The following CCDC73 variants were observed in gnomAD, a reference collection of about 807,000 sequenced individuals.
CCDC73 encodes coiled-coil domain containing 73.
A neutral mutation model predicts 116.5 loss-of-function variants in CCDC73; 95 were observed. The observed-to-expected ratio is 0.82, with a 90% CI of 0.69 to 0.97. The LOEUF is 0.97. Among genes scored for constraint, CCDC73 ranks in the 50% least tolerant of loss-of-function variants. The pLI is 0.00. For synonymous variants in CCDC73, 398 were observed against 401.3 expected, an observed-to-expected ratio of 0.99 and a Z score of 0.10; for missense variants, 1,066 against 1,206.8, an observed-to-expected ratio of 0.88 and a Z score of 1.73.
rs1565094445 is a variant in CCDC73, at chr11:32,755,939, CTCCATATA to C, written c.135+4162_135+4169del. Among the ~76,000 whole-genome samples the C allele has an allele frequency of 3.1e-4, 4 of 13,080 alleles. 1 individual carries two copies. Among genetic ancestry groups the C allele is most frequent in the African/African-American group, 1.3e-3 (4 of 3,050 alleles). 8.6% of individuals were successfully genotyped at this position (13,080 alleles called of 152,430 possible). The stretch of plus-strand genomic sequence containing the variant: ...TCCATATATATATCTATATATATAT[CTCCATATA>C]TATATCTATATATATATCTCCATAT... On this transcript the variant is annotated intron_variant, in intron 2 of 17. Coordinates refer to ENST00000335185, the MANE Select transcript of CCDC73 (RefSeq NM_001008391.4).
At chr11:32,607,986 A>C (rs188125918) in intron 17 of CCDC73, among the ~76,000 whole-genome samples, 1 of 151,054 alleles carries the variant, frequency 6.6e-6, no homozygotes, top group East Asian at 1.9e-4. Context: ...TATCACAAGA[A>C]TATTTCACTA....
intron 17 of CCDC73, among the ~76,000 whole-genome samples, chr11:32,607,910 CAA>C (rs1855376683): frequency 6.6e-6 from 1 of 152,158 alleles, no homozygotes; most frequent in Admixed American, 6.5e-5. Context: ...ATGGTGGCAG[CAA>C]AAGAGAGCTT....
chr11:32,608,211 A>G (rs113954676), intron 17 of CCDC73, among the ~76,000 whole-genome samples: 1,541 of 152,218 alleles, frequency 0.01, 5 homozygotes, highest in Non-Finnish European at 0.015. Flanking sequence ...ACACTCCCCC[A>G]AAGTCTTACT....
chr11:32,630,319 G>T (rs1463338901), intron 14 of CCDC73, among the ~76,000 whole-genome samples: 1 of 152,202 alleles, frequency 6.6e-6, no homozygotes, highest in Admixed American at 6.5e-5. Flanking sequence ...CTGTTTTTTT[G>T]TTTGTTTGTT....
intron 14 of CCDC73, among the ~76,000 whole-genome samples, chr11:32,620,610 CAAAAAA>C (rs57643752): frequency 4.2e-4 from 26 of 61,346 alleles, no homozygotes; most frequent in African/African-American, 1.5e-3. Context: ...GACTCAGTCT[CAAAAAA>C]AAAAAAAAAA....
the CCDC73 span, chr11:32,830,152 G>A: frequency 9.9e-7 from 1 of 1,014,838 alleles, no homozygotes; most frequent in Non-Finnish European, 1.2e-6. Flanking sequence ...GGGGCTGCTG[G>A]AACATGTGCG....
chr11:32,671,146 T>C lies in CCDC73; in HGVS notation c.645+4419A>G, dbSNP rs946314387. Among the ~76,000 whole-genome samples the C allele has an allele frequency of 2.7e-4, 41 of 152,158 alleles. 1 individual carries two copies. The highest frequency in any genetic ancestry group is 2.6e-3 in the Admixed American group (39 of 15,262). ...TTTGATCTCATTAAATTACAACTTA[T>C]AGTTCCTGCAGTCATAAATATTGCG... On this transcript the variant is annotated intron_variant, in intron 9 of 17. Coordinates refer to ENST00000335185, the MANE Select transcript of CCDC73 (RefSeq NM_001008391.4).
At chr11:32,623,487 A>G (rs1381147073) in intron 14 of CCDC73, among the ~76,000 whole-genome samples, 1 of 152,018 alleles carries the variant, frequency 6.6e-6, no homozygotes, top group African/African-American at 2.4e-5. Flanking sequence ...AGTAGCTGGG[A>G]CCACCAGTGT....
rs892119840 is a variant in CCDC73 at position 32,608,912 on chromosome 11, GCTC to G, written c.3030+2217_3030+2219del. Among the ~76,000 whole-genome samples, 31 of 152,130 alleles carry G rather than the reference GCTC, an allele frequency of 2.0e-4. 1 individual carries two copies. The highest frequency in any genetic ancestry group is 1.7e-3 in the Admixed American group (26 of 15,274). On this transcript the variant is annotated intron_variant, in intron 17 of 17. Transcript: ENST00000335185. ...AAGCAATGGCCCAAGCTGTGACTTG[GCTC>G]CTTTTAATCATGGCTGGAGTGGCTG...
intron 3 of CCDC73, among the ~76,000 whole-genome samples, chr11:32,707,538 T>G (rs1190649730): frequency 1.3e-5 from 2 of 152,160 alleles, no homozygotes; most frequent in Non-Finnish European, 2.9e-5. Flanking sequence ...ACCTCAAGGA[T>G]ATTAAATTTC....
chr11:32,627,514 T>C (rs1002715418), intron 14 of CCDC73, among the ~76,000 whole-genome samples: 1 of 152,214 alleles, frequency 6.6e-6, no homozygotes, highest in Non-Finnish European at 1.5e-5. Flanking sequence ...TAAAGACACA[T>C]GCACACGTAT....
chr11:32,826,035 TTTTA>T, the CCDC73 span, among the ~76,000 whole-genome samples: 3 of 152,244 alleles, frequency 2.0e-5, no homozygotes, highest in Non-Finnish European at 2.9e-5. Flanking sequence ...CACACTGTTC[TTTTA>T]TTTAACTTTT....
intron 12 of CCDC73, among the ~76,000 whole-genome samples, chr11:32,650,561 G>A (rs958152619): frequency 3.3e-5 from 5 of 152,148 alleles, no homozygotes; most frequent in Admixed American, 1.3e-4. Context: ...TATAGAGTGG[G>A]CAGGGGAGAT....
intron 7 of CCDC73, among the ~76,000 whole-genome samples, chr11:32,679,463 A>G (rs1228601182): frequency 6.6e-6 from 1 of 152,098 alleles, no homozygotes; most frequent in East Asian, 1.9e-4. Context: ...TCCCAGGTTC[A>G]GGCAATTCTC....
At chr11:32,813,982 G>A in the CCDC73 span, among the ~76,000 whole-genome samples, 1 of 152,108 alleles carries the variant, frequency 6.6e-6, no homozygotes, top group South Asian at 2.1e-4. Flanking sequence ...ATTATGTTAA[G>A]GAGAATTGAA....
intron 6 of CCDC73, among the ~76,000 whole-genome samples, chr11:32,698,384 T>C (rs1341700412): frequency 1.3e-5 from 2 of 152,180 alleles, no homozygotes; most frequent in Non-Finnish European, 2.9e-5. Flanking sequence ...CACATTGTGA[T>C]TGTGTCTAAT....
chr11:32,746,990 TGGA>T (rs1297241118), intron 2 of CCDC73, among the ~76,000 whole-genome samples: 1 of 152,218 alleles, frequency 6.6e-6, no homozygotes. Flanking sequence ...TGTGTTCCTT[TGGA>T]GGAGAAGAGG....
rs763109880 is a variant in CCDC73, at chr11:32,644,920, G to A, written c.940-2838C>T. Among the ~76,000 whole-genome samples the A allele has an allele frequency of 2.2e-4, 34 of 152,254 alleles. No individual in the cohort carries two copies. The South Asian group carries it at 3.9e-3, about 18-fold the overall frequency. On this transcript the variant is annotated intron_variant, in intron 12 of 17. Coordinates refer to ENST00000335185, the MANE Select transcript of CCDC73 (RefSeq NM_001008391.4). The stretch of plus-strand genomic sequence containing the variant: ...ATTTGAGATTCATCCATTTTGTTGT[G>A]TGAATCAGTAGTTGGTTCTCTTTTA...
Position 32,732,457 on chromosome 11 carries a change from AC to A in CCDC73, c.136-14311del, listed in dbSNP as rs544591033. On this transcript the variant is annotated intron_variant, in intron 2 of 17. Coordinates refer to ENST00000335185, the MANE Select transcript of CCDC73 (RefSeq NM_001008391.4). ...TCCTCATGAAGAGCAACTCCAAGAC[AC>A]ATAATTGTCAGATTCACCAAAGTTG... 1.4e-3 allele frequency among the ~76,000 whole-genome samples: 209 copies of A among 152,280 alleles called. 2 individuals carry two copies. The highest frequency in any genetic ancestry group is 4.8e-3 in the African/African-American group (201 of 41,542).
Sources: gnomAD v4.1 joint callset for allele counts (sites outside exome capture counted in the v4.1 genomes callset) on GRCh38, gnomAD v4.1.1 for gene constraint, MANE v1.5 for transcripts, NCBI Gene and HGNC (gene_info 2026-07-23, HGNC 2026-07-21) for gene names.